KCNH1: variants seen among roughly 807,000 people sequenced by gnomAD.
KCNH1 encodes voltage-gated delayed rectifier potassium channel KCNH1.
In KCNH1, 27 loss-of-function variants were observed where a neutral mutation model predicts 69.2. The observed-to-expected ratio is 0.39, with a 90% CI of 0.29 to 0.54. The LOEUF (loss-of-function observed/expected upper bound fraction) is 0.54. Ranked by LOEUF, KCNH1 falls within the 20% of genes least tolerant of loss-of-function variation. The probability of loss-of-function intolerance (pLI) is 0.68; values close to 1 mark genes in which losing one functional copy is unlikely to be tolerated. For missense variants in KCNH1, 798 were observed against 1,261.6 expected, an observed-to-expected ratio of 0.63 and a Z score of 5.57; for synonymous variants, 456 against 487.7, an observed-to-expected ratio of 0.93 and a Z score of 0.86.
chr1:211,048,559 T>G (rs1312360541), intron 5 of KCNH1, among the ~76,000 whole-genome samples: 1 of 151,564 alleles, frequency 6.6e-6, no homozygotes, highest in Non-Finnish European at 1.5e-5. Context: ...CTGGATGGAG[T>G]TGGAGACCAT....
chr1:210,766,330 G>C (rs555513721), intron 10 of KCNH1, among the ~76,000 whole-genome samples: 1 of 151,926 alleles, frequency 6.6e-6, no homozygotes, highest in Non-Finnish European at 1.5e-5. Context: ...GTTTGAGACC[G>C]GCCTGGCCAA....
At chr1:211,049,192 C>T (rs1690147941) in intron 5 of KCNH1, among the ~76,000 whole-genome samples, 1 of 152,076 alleles carries the variant, frequency 6.6e-6, no homozygotes, top group African/African-American at 2.4e-5. Flanking sequence ...GATGTGTAAA[C>T]AAATTATTAA....
At chr1:211,003,159 C>A (rs962598500) in intron 6 of KCNH1, among the ~76,000 whole-genome samples, 12 of 152,110 alleles carry the variant, frequency 7.9e-5, no homozygotes, top group Non-Finnish European at 1.6e-4. Flanking sequence ...TGCCCCTTTA[C>A]AGAAAAGGTT....
At chr1:210,979,723 G>C (rs1301585524) in intron 6 of KCNH1, among the ~76,000 whole-genome samples, 1 of 152,080 alleles carries the variant, frequency 6.6e-6, no homozygotes, top group Non-Finnish European at 1.5e-5. Flanking sequence ...AAAGTTCCCA[G>C]TTACTCTTTA....
intron 9 of KCNH1, among the ~76,000 whole-genome samples, chr1:210,781,926 T>A (rs1683995029): frequency 6.6e-6 from 1 of 152,188 alleles, no homozygotes; most frequent in African/African-American, 2.4e-5. Flanking sequence ...TGCCCTCCAG[T>A]CACACTGGGA....
intron 1 of KCNH1, among the ~76,000 whole-genome samples, chr1:211,123,690 C>A (rs1231550605): frequency 6.6e-6 from 1 of 152,052 alleles, no homozygotes; most frequent in Non-Finnish European, 1.5e-5. Context: ...GGACATAGGG[C>A]ATGGGGCAAA....
At position 210,776,182 on chromosome 1, in the gene KCNH1, C is replaced by T. The variant is rs371136088; in HGVS notation, c.1916-638G>A. ...GACAAGTGCAGAGTTCTCTCCTTAC[C>T]ATAGCATGTCCACCACCCTAAGGTT... On this transcript the variant is annotated intron_variant, in intron 9 of 10. Transcript: ENST00000271751. Among the ~76,000 whole-genome samples the T allele has an allele frequency of 3.9e-5, 6 of 152,238 alleles. No individual in the cohort carries two copies. The South Asian group carries it at 1.2e-3, about 32-fold the overall frequency.
chr1:211,103,369 A>G (rs555266437), intron 3 of KCNH1, 127 bp downstream of exon 3: 1 of 598,284 alleles, frequency 1.7e-6, no homozygotes, highest in East Asian at 2.9e-5. Context: ...CAACATACAC[A>G]AGGGCTTCAA....
At chr1:210,978,837 G>A (rs1357455780) in intron 6 of KCNH1, among the ~76,000 whole-genome samples, 1 of 152,200 alleles carries the variant, frequency 6.6e-6, no homozygotes, top group African/African-American at 2.4e-5. Context: ...GAACCTGTGT[G>A]TGGGTAGGCA....
At chr1:210,933,117 T>A (rs919273913) in intron 6 of KCNH1, among the ~76,000 whole-genome samples, 2 of 152,162 alleles carry the variant, frequency 1.3e-5, no homozygotes, top group Non-Finnish European at 2.9e-5. Context: ...CCAATCCAAA[T>A]GTCCAACAAT....
At chr1:210,826,857 C>T (rs1270345543) in intron 7 of KCNH1, among the ~76,000 whole-genome samples, 1 of 152,222 alleles carries the variant, frequency 6.6e-6, no homozygotes, top group Non-Finnish European at 1.5e-5. Context: ...CCCTCCTATC[C>T]AGGCTGTGCA....
At chr1:210,780,762 C>A (rs1261467368) in intron 9 of KCNH1, among the ~76,000 whole-genome samples, 1 of 152,160 alleles carries the variant, frequency 6.6e-6, no homozygotes, top group Non-Finnish European at 1.5e-5. Flanking sequence ...AACTGAAAAG[C>A]CATGGCCGGG....
chr1:210,971,238 C>A (rs965379244), intron 6 of KCNH1, among the ~76,000 whole-genome samples: 1 of 152,054 alleles, frequency 6.6e-6, no homozygotes, highest in Admixed American at 6.6e-5. Context: ...TACGCATGAG[C>A]CACCACAGCC....
At chr1:211,100,585 A>C (rs1231407201) in intron 3 of KCNH1, among the ~76,000 whole-genome samples, 1 of 152,188 alleles carries the variant, frequency 6.6e-6, no homozygotes, top group Non-Finnish European at 1.5e-5. Context: ...TCCTGACATC[A>C]AATGATCCAC....
chr1:210,726,676 G>A (rs958127347), intron 10 of KCNH1, among the ~76,000 whole-genome samples: 2 of 152,210 alleles, frequency 1.3e-5, no homozygotes, highest in Admixed American at 1.3e-4. Flanking sequence ...AGGTAATTAA[G>A]CAGAGGGATT....
intron 7 of KCNH1, among the ~76,000 whole-genome samples, chr1:210,806,115 G>T (rs1328344926): frequency 1.3e-5 from 2 of 152,154 alleles, no homozygotes; most frequent in African/African-American, 4.8e-5. Flanking sequence ...CGGTTACTAG[G>T]TTTAACATGT....
At chr1:211,054,389 T>C (rs1472086452) in intron 5 of KCNH1, among the ~76,000 whole-genome samples, 1 of 152,138 alleles carries the variant, frequency 6.6e-6, no homozygotes, top group Non-Finnish European at 1.5e-5. Context: ...TAATGACATA[T>C]GTAGAAATGA....
At chr1:210,684,550 GC>G (rs1223399302) in intron 10 of KCNH1, among the ~76,000 whole-genome samples, 1 of 151,946 alleles carries the variant, frequency 6.6e-6, no homozygotes, top group Non-Finnish European at 1.5e-5. Flanking sequence ...CACTTTTCTG[GC>G]CCCACTTCAG....
At chr1:210,984,054 C>T (rs893162639) in intron 6 of KCNH1, among the ~76,000 whole-genome samples, 5 of 152,220 alleles carry the variant, frequency 3.3e-5, no homozygotes, top group Non-Finnish European at 2.9e-5. Flanking sequence ...GGAGTTCACT[C>T]ATGATTTGGC....
Sources: allele counts gnomAD v4.1 joint callset (sites outside exome capture counted in the v4.1 genomes callset), GRCh38; gene constraint gnomAD v4.1.1; transcripts MANE v1.5; gene names NCBI Gene and HGNC (gene_info 2026-07-23, HGNC 2026-07-21).